Variants in ZBTB20 observed in about 807,000 individuals in gnomAD.
ZBTB20 encodes the protein zinc finger and BTB domain containing 20.
In ZBTB20, 9 loss-of-function variants were observed where a neutral mutation model predicts 56.9. The observed-to-expected ratio is 0.16, with a 90% CI of 0.10 to 0.28. The LOEUF (loss-of-function observed/expected upper bound fraction) is 0.28, where lower values mean the gene tolerates loss of function less well. Ranked by LOEUF, ZBTB20 falls within the 10% of genes least tolerant of loss-of-function variation. The probability of loss-of-function intolerance (pLI) is 1.00; values close to 1 mark genes in which losing one functional copy is unlikely to be tolerated. For synonymous variants in ZBTB20, 417 were observed against 420.7 expected, an observed-to-expected ratio of 0.99 and a Z score of 0.11; for missense variants, 655 against 1,003.0, an observed-to-expected ratio of 0.65 and a Z score of 4.69.
At chr3:114,905,980 C>T (rs2075302525) in intron 3 of ZBTB20, among the ~76,000 whole-genome samples, 1 of 151,826 alleles carries the variant, frequency 6.6e-6, no homozygotes, top group Non-Finnish European at 1.5e-5. Flanking sequence ...AGACAGATAC[C>T]TCCACTATTT....
At chr3:114,726,350 G>T (rs760997669) in intron 5 of ZBTB20, among the ~76,000 whole-genome samples, 11 of 152,094 alleles carry the variant, frequency 7.2e-5, no homozygotes, top group Non-Finnish European at 1.2e-4. Flanking sequence ...AGAGGGTTCT[G>T]GATTCCAAAA....
chr3:114,757,617 G>C (rs2068100039), intron 5 of ZBTB20, among the ~76,000 whole-genome samples: 2 of 152,210 alleles, frequency 1.3e-5, no homozygotes, highest in South Asian at 4.1e-4. Context: ...GCTGCCTCTT[G>C]AAATCTGAGG....
chr3:114,471,586 A>ACAGCTACAT (rs2040133988), intron 7 of ZBTB20, among the ~76,000 whole-genome samples: 2 of 152,322 alleles, frequency 1.3e-5, no homozygotes, highest in Admixed American at 6.5e-5. Flanking sequence ...CATTGAAAGT[A>ACAGCTACAT]CAGCTACATC....
At chr3:114,920,816 T>G (rs2075928368) in intron 3 of ZBTB20, among the ~76,000 whole-genome samples, 1 of 152,006 alleles carries the variant, frequency 6.6e-6, no homozygotes, top group South Asian at 2.1e-4. Flanking sequence ...AAGAGTTCGT[T>G]TTTTGAAGAC....
chr3:115,102,120 T>C (rs1281269948), intron 1 of ZBTB20, among the ~76,000 whole-genome samples: 1 of 152,192 alleles, frequency 6.6e-6, no homozygotes, highest in Non-Finnish European at 1.5e-5. Context: ...TGGGAAAATT[T>C]CTAGTAAGAA....
chr3:115,035,188 T>C (rs955956293), intron 2 of ZBTB20, among the ~76,000 whole-genome samples: 3 of 152,032 alleles, frequency 2.0e-5, no homozygotes, highest in East Asian at 1.9e-4. Context: ...CAACAGGCCA[T>C]AGGCAATGAC....
intron 3 of ZBTB20, among the ~76,000 whole-genome samples, chr3:114,910,924 G>A (rs4682556): frequency 0.85 from 128,680 of 151,972 alleles, 55,828 homozygotes; most frequent in East Asian, 0.99. Context: ...GTTCCCAAGT[G>A]TTGTTTTCTT....
At chr3:115,035,590 A>C (rs111484759) in intron 2 of ZBTB20, among the ~76,000 whole-genome samples, 273 of 151,694 alleles carry the variant, frequency 1.8e-3, no homozygotes, top group African/African-American at 6.3e-3. Context: ...TTTAGTGAGG[A>C]TATGGAGAAG....
chr3:114,384,754 G>A (rs1210241230), intron 8 of ZBTB20, among the ~76,000 whole-genome samples: 1 of 152,202 alleles, frequency 6.6e-6, no homozygotes, highest in African/African-American at 2.4e-5. Flanking sequence ...GTAAGGCTGT[G>A]GAGGATGTTG....
intron 3 of ZBTB20, among the ~76,000 whole-genome samples, chr3:114,926,158 C>G (rs916666913): frequency 2.0e-5 from 3 of 152,178 alleles, no homozygotes; most frequent in African/African-American, 7.2e-5. Context: ...GTTCCTACAG[C>G]CTACAGAGAA....
intron 3 of ZBTB20, among the ~76,000 whole-genome samples, chr3:114,935,678 G>C (rs548472865): frequency 2.6e-4 from 39 of 152,250 alleles, no homozygotes; most frequent in Admixed American, 4.6e-4. Flanking sequence ...GCCATCCCCT[G>C]TTCCCAGATC....
chr3:114,746,216 C>T (rs1045794599), intron 5 of ZBTB20, among the ~76,000 whole-genome samples: 2 of 152,148 alleles, frequency 1.3e-5, no homozygotes, highest in African/African-American at 4.8e-5. Context: ...ACTATCAATT[C>T]TGTGTTACTG....
chr3:114,999,053 AAGGAGAGGAGAGGAGAGCAG>A (rs1250663302), intron 2 of ZBTB20, among the ~76,000 whole-genome samples: 1 of 142,168 alleles, frequency 7.0e-6, no homozygotes, highest in Non-Finnish European at 1.5e-5. Flanking sequence ...AAGGAGGGGA[AAGGAGAGGAGAGGAGAGCAG>A]AGGAGAGGAG....
intron 1 of ZBTB20, among the ~76,000 whole-genome samples, chr3:115,095,841 T>C (rs1341474380): frequency 1.3e-5 from 2 of 152,238 alleles, no homozygotes; most frequent in African/African-American, 4.8e-5. Flanking sequence ...CTCTAGAATA[T>C]CTAAGATATG....
At chr3:114,653,583 A>C (rs2060239179) in intron 6 of ZBTB20, among the ~76,000 whole-genome samples, 1 of 151,852 alleles carries the variant, frequency 6.6e-6, no homozygotes, top group Non-Finnish European at 1.5e-5. Flanking sequence ...CTATACTTTT[A>C]TTTTCCTGTA....
At chr3:114,776,073 G>T (rs147492836) in intron 5 of ZBTB20, among the ~76,000 whole-genome samples, 2 of 144,054 alleles carry the variant, frequency 1.4e-5, no homozygotes, top group East Asian at 4.1e-4. Flanking sequence ...GTGCGGACAG[G>T]AAAGTTAAGC....
At chr3:114,584,495 C>CT (rs903707269) in intron 6 of ZBTB20, among the ~76,000 whole-genome samples, 57 of 151,922 alleles carry the variant, frequency 3.8e-4, no homozygotes, top group Middle Eastern at 3.4e-3. Context: ...ATCTTCACCT[C>CT]TTTTTCCAGG....
At chr3:114,748,330 CTTTCTTCTTTCTTT>C (rs2067252648) in intron 5 of ZBTB20, among the ~76,000 whole-genome samples, 3 of 84,138 alleles carry the variant, frequency 3.6e-5, no homozygotes, top group African/African-American at 1.2e-4. Context: ...TTCTTTCTTT[CTTTCTTCTTTCTTT>C]CTTTCTTTTC....
chr3:115,088,037 G>A (rs1195438041), intron 1 of ZBTB20, among the ~76,000 whole-genome samples: 1 of 151,850 alleles, frequency 6.6e-6, no homozygotes, highest in African/African-American at 2.4e-5. Context: ...CAGGAAAATG[G>A]AGAACTGTTT....
Sources: gnomAD v4.1 joint callset for allele counts (sites outside exome capture counted in the v4.1 genomes callset) on GRCh38, gnomAD v4.1.1 for gene constraint, MANE v1.5 for transcripts, NCBI Gene and HGNC (gene_info 2026-07-23, HGNC 2026-07-21) for gene names.